Variants in CPEB3 observed in about 807,000 individuals in gnomAD.
CPEB3 encodes cytoplasmic polyadenylation element-binding protein 3.
A neutral mutation model predicts 67.2 loss-of-function variants in CPEB3; 20 were observed. The observed-to-expected ratio is 0.30, with a 90% confidence interval of 0.21 to 0.43. The LOEUF (loss-of-function observed/expected upper bound fraction) is 0.43, where lower values mean the gene tolerates loss of function less well. Among genes scored for constraint, CPEB3 ranks in the 20% least tolerant of loss-of-function variants. CPEB3 has a pLI of 1.00. For synonymous variants in CPEB3, 376 were observed against 393.1 expected (o/e 0.96, Z 0.51); for missense variants, 746 against 968.6 (o/e 0.77, Z 3.05).
chr10:92,290,142 T>G (rs1186719608), intron 1 of CPEB3, among the ~76,000 whole-genome samples: 1 of 152,030 alleles, frequency 6.6e-6, no homozygotes, highest in African/African-American at 2.4e-5. Context: ...TTTTAAAAAA[T>G]CAAACACCTT....
At chr10:92,116,667 C>T (rs1845045174) in intron 6 of CPEB3, among the ~76,000 whole-genome samples, 1 of 152,108 alleles carries the variant, frequency 6.6e-6, no homozygotes. Context: ...AAATGGTAAC[C>T]TGAGGAGTAT....
intron 2 of CPEB3, among the ~76,000 whole-genome samples, chr10:92,236,992 A>AT (rs1851570207): frequency 6.6e-6 from 1 of 151,906 alleles, no homozygotes; most frequent in African/African-American, 2.4e-5. Flanking sequence ...ATAAACTCTG[A>AT]TTTAAATAAA....
intron 1 of CPEB3, among the ~76,000 whole-genome samples, chr10:92,278,281 G>A (rs992227382): frequency 2.0e-5 from 3 of 152,088 alleles, no homozygotes; most frequent in African/African-American, 7.2e-5. Flanking sequence ...GAAGTCAGAT[G>A]GAATTTTGAT....
intron 7 of CPEB3, among the ~76,000 whole-genome samples, chr10:92,104,231 C>A (rs1273526518): frequency 1.3e-5 from 2 of 152,126 alleles, no homozygotes; most frequent in Non-Finnish European, 2.9e-5. Context: ...ATGAGGAAAC[C>A]TTTTGTCGAA....
At chr10:92,168,535 T>C (rs1346431174) in intron 4 of CPEB3, among the ~76,000 whole-genome samples, 3 of 152,142 alleles carry the variant, frequency 2.0e-5, no homozygotes, top group Non-Finnish European at 4.4e-5. Flanking sequence ...ATAATCCCCA[T>C]GTGCCATAGG....
At chr10:92,184,636 C>A (rs945515435) in intron 3 of CPEB3, among the ~76,000 whole-genome samples, 1 of 152,006 alleles carries the variant, frequency 6.6e-6, no homozygotes, top group South Asian at 2.1e-4. Flanking sequence ...CACTCTGGGT[C>A]GAGAAGGCCA....
intron 2 of CPEB3, among the ~76,000 whole-genome samples, chr10:92,199,102 G>A (rs1036468819): frequency 2.6e-5 from 4 of 152,122 alleles, no homozygotes; most frequent in African/African-American, 4.8e-5. Context: ...CATAAGAAAC[G>A]ATTAACTGGC....
At chr10:92,061,073 T>C (rs1004713842) in intron 9 of CPEB3, among the ~76,000 whole-genome samples, 1 of 152,312 alleles carries the variant, frequency 6.6e-6, no homozygotes, top group East Asian at 1.9e-4. Flanking sequence ...CCTATGTTTG[T>C]TGCAGCACTG....
At chr10:92,110,131 C>G (rs1844661121) in intron 7 of CPEB3, among the ~76,000 whole-genome samples, 1 of 152,134 alleles carries the variant, frequency 6.6e-6, no homozygotes, top group Admixed American at 6.5e-5. Flanking sequence ...AGAGTCAACA[C>G]TCAAACTTCT....
intron 1 of CPEB3, among the ~76,000 whole-genome samples, chr10:92,258,664 A>T (rs1852646442): frequency 2.5e-5 from 2 of 79,220 alleles, no homozygotes; most frequent in African/African-American, 3.9e-5. Flanking sequence ...ATATATATAT[A>T]TATATATATA....
chr10:92,278,601 C>CT (rs1294501874), intron 1 of CPEB3, among the ~76,000 whole-genome samples: 11,486 of 129,160 alleles, frequency 0.089, 1,744 homozygotes, highest in African/African-American at 0.3. Context: ...TTGACTGGTT[C>CT]TTTTTTTTTT....
intron 4 of CPEB3, among the ~76,000 whole-genome samples, chr10:92,163,992 T>C (rs933066132): frequency 2.0e-5 from 3 of 152,206 alleles, no homozygotes; most frequent in African/African-American, 7.2e-5. Flanking sequence ...AAAATCTTCT[T>C]TCCATTGTAT....
chr10:92,286,430 C>T (rs1462168792), intron 1 of CPEB3, among the ~76,000 whole-genome samples: 2 of 151,326 alleles, frequency 1.3e-5, no homozygotes, highest in Non-Finnish European at 2.9e-5. Flanking sequence ...ACTAAAAATA[C>T]AAAAATTAGC....
At chr10:92,063,750 G>C (rs552723846) in intron 9 of CPEB3, among the ~76,000 whole-genome samples, 1 of 146,440 alleles carries the variant, frequency 6.8e-6, no homozygotes, top group Non-Finnish European at 1.5e-5. Flanking sequence ...GTGACAGAGC[G>C]AGACTCAGTA....
At chr10:92,201,256 G>C (rs1199628737) in intron 2 of CPEB3, among the ~76,000 whole-genome samples, 1 of 152,144 alleles carries the variant, frequency 6.6e-6, no homozygotes, top group African/African-American at 2.4e-5. Flanking sequence ...GGCCGGGCAC[G>C]GTGGCTCACA....
At chr10:92,238,843 C>G (rs966851980) in intron 2 of CPEB3, among the ~76,000 whole-genome samples, 1 of 152,182 alleles carries the variant, frequency 6.6e-6, no homozygotes, top group Non-Finnish European at 1.5e-5. Context: ...ACTGAGCATA[C>G]GCAACCGTCT....
Position 92,249,448 on chromosome 10 carries a change from T to C in CPEB3, c.-11-9087A>G, listed in dbSNP as rs572357469. On this transcript the variant is annotated intron_variant, in intron 1 of 9. Transcript: ENST00000265997. The stretch of plus-strand genomic sequence containing the variant: ...AAAATACTTGATAATTATAATAAAT[T>C]ACTGTTGTTGGTTCATGTATTTACT... Among the ~76,000 whole-genome samples the C allele has an allele frequency of 2.0e-5, 3 of 152,104 alleles. 1 individual carries two copies. The South Asian group carries it at 6.2e-4, about 31-fold the overall frequency.
chr10:92,204,889 G>T (rs1410589528), intron 2 of CPEB3, among the ~76,000 whole-genome samples: 1 of 141,444 alleles, frequency 7.1e-6, no homozygotes, highest in Non-Finnish European at 1.5e-5. Flanking sequence ...CACCCAGGCT[G>T]GAGTAAAGTG....
intron 2 of CPEB3, among the ~76,000 whole-genome samples, chr10:92,205,217 G>T (rs1166356135): frequency 1.3e-5 from 2 of 152,170 alleles, no homozygotes; most frequent in East Asian, 3.8e-4. Context: ...ACAAAGTAAT[G>T]CTGGTTTATT....
Sources: allele counts gnomAD v4.1 joint callset (sites outside exome capture counted in the v4.1 genomes callset), GRCh38; gene constraint gnomAD v4.1.1; transcripts MANE v1.5; gene names NCBI Gene and HGNC (gene_info 2026-07-23, HGNC 2026-07-21).